Variants in ASPSCR1 observed in about 807,000 individuals in gnomAD.
ASPSCR1 encodes the protein tether containing UBX domain for GLUT4.
ASPSCR1 carries 55 observed loss-of-function variants against 68.9 expected under a neutral mutation model. That is an observed-to-expected ratio of 0.80 (90% CI 0.64 to 1.00). The LOEUF is 1.00. Ranked by LOEUF, ASPSCR1 falls within the 50% of genes least tolerant of loss-of-function variation. The pLI, the probability that ASPSCR1 is intolerant of heterozygous loss-of-function variation, is 0.00. For synonymous variants in ASPSCR1, 352 were observed against 332.6 expected (o/e 1.06, Z -0.63); for missense variants, 765 against 762.2 (o/e 1.00, Z -0.04).
At chr17:82,012,053 C>T in intron 11 of ASPSCR1, 178 bp from the exon 12 acceptor site, 3 of 797,288 alleles carry the variant, frequency 3.8e-6, no homozygotes, top group Non-Finnish European at 6.3e-6. Flanking sequence ...CCCCACCGGC[C>T]CTTCCGAGCC....
chr17:81,983,610 A>C lies in ASPSCR1; in HGVS notation c.215A>C (p.Asn72Thr). 2 of 1,613,716 alleles carry C rather than the reference A, an allele frequency of 1.2e-6. No individual in the cohort carries two copies. The highest frequency in any genetic ancestry group is 1.7e-6 in the Non-Finnish European group (2 of 1,179,978). Residue 72 changes from asparagine (N) to threonine (T), a missense_variant, in exon 3 of 16, where the codon AAC becomes ACC. Coordinates refer to ENST00000306739, the MANE Select transcript of ASPSCR1 (RefSeq NM_024083.4). This position sits in a 1 kb window ranked among gnomAD's most constrained non-coding sequence, Gnocchi z 4.4. ...CAGTGGAGATTTGCCAACCTGCCCAACAATGCCAAGCTGGAGATGGTGCCC... is the reference window on the plus strand; with the variant it reads ...CAGTGGAGATTTGCCAACCTGCCCACCAATGCCAAGCTGGAGATGGTGCCC... The part of the protein sequence containing the change: ...SLQWRFANLP[N>T]NAKLEMVPAS...
rs1246247020 is a variant in ASPSCR1, at chr17:82,011,980, T to TA, written c.1301-250dup. The TA allele has an allele frequency of 6.3e-6, 4 of 633,594 alleles. No homozygotes were observed. In the African/African-American group the frequency reaches 7.3e-5, roughly 11 times the overall value. The allele number at this position is 633,594 out of a possible 1,614,324, so 39.2% of individuals were successfully genotyped here. On this transcript the variant is annotated intron_variant, in intron 11 of 15. Transcript: ENST00000306739. ...GGAGGGTGTCTAGGTGGCAAAGGGT[T>TA]AGGCTGCCCACTGCAAGGGGAGCCG... is the stretch of plus-strand genomic sequence containing the variant.
At chr17:82,012,152 G>T (rs781083505) in intron 11 of ASPSCR1, 79 bp from the exon 12 acceptor site, 2 of 1,501,086 alleles carry the variant, frequency 1.3e-6, no homozygotes, top group Non-Finnish European at 1.9e-6. Context: ...ACCCCCATCT[G>T]CAGGCCTGTC....
At chr17:82,014,826 G>A (rs2043067583) in intron 12 of ASPSCR1, 2 of 567,930 alleles carry the variant, frequency 3.5e-6, no homozygotes, top group African/African-American at 1.9e-5. Context: ...CAGAGAGGCG[G>A]CTGGATTTGG....
chr17:81,985,670 C>A, intron 4 of ASPSCR1, 63 bp downstream of exon 4: 1 of 1,529,622 alleles, frequency 6.5e-7, no homozygotes, highest in Non-Finnish European at 9.0e-7. Context: ...GCTGTGGTTA[C>A]TGGGTCTGGT....
At position 81,986,161 on chromosome 17, in the gene ASPSCR1, G is replaced by A. The variant is rs2041986798; in HGVS notation, c.374+554G>A. On this transcript the variant is annotated intron_variant, in intron 4 of 15. Coordinates refer to ENST00000306739, the MANE Select transcript of ASPSCR1 (RefSeq NM_024083.4). The surrounding 1 kb of genome is among the most constrained non-coding windows in gnomAD (Gnocchi z 5.2). ...GGCACAGTGGCTGGGCACAGTGGCTGGGCAAAGTGGCTTGCACTTTGGAAG... is the reference window on the plus strand; with the variant it reads ...GGCACAGTGGCTGGGCACAGTGGCTAGGCAAAGTGGCTTGCACTTTGGAAG... Among the ~76,000 whole-genome samples, 1 of 151,976 alleles carries A rather than the reference G, an allele frequency of 6.6e-6. No homozygotes were observed. Among genetic ancestry groups the A allele is most frequent in the African/African-American group, 2.4e-5 (1 of 41,318 alleles).
At chr17:81,993,721 C>A (rs74402017) in intron 4 of ASPSCR1, among the ~76,000 whole-genome samples, 2 of 152,394 alleles carry the variant, frequency 1.3e-5, no homozygotes, top group South Asian at 2.1e-4. Flanking sequence ...CAGTACCCCC[C>A]ATCCCGGAGG....
At chr17:82,015,290 C>T (rs2043084696) in intron 12 of ASPSCR1, 3 of 1,598,202 alleles carry the variant, frequency 1.9e-6, no homozygotes, top group East Asian at 2.2e-5. Context: ...CTCCACCATC[C>T]CCTCGTCCGA....
At chr17:81,992,212 G>A (rs2042192787) in intron 4 of ASPSCR1, among the ~76,000 whole-genome samples, 1 of 152,224 alleles carries the variant, frequency 6.6e-6, no homozygotes, top group African/African-American at 2.4e-5. Context: ...TGCCCCTGCG[G>A]ACATTGGGAC....
intron 12 of ASPSCR1, chr17:82,015,154 G>C (rs200558937): frequency 5.0e-6 from 8 of 1,598,290 alleles, no homozygotes; most frequent in Non-Finnish European, 6.8e-6. Context: ...CAGAGAACAC[G>C]CTTGCCAGTG....
chr17:82,010,751 C>G (rs1768613590), intron 9 of ASPSCR1, 51 bp from the exon 10 acceptor site: 1 of 1,578,850 alleles, frequency 6.3e-7, no homozygotes, highest in Admixed American at 1.7e-5. Flanking sequence ...ACGCCCTGGT[C>G]CCTGGTGCAG....
At chr17:82,001,771 G>A (rs1246428181) in intron 7 of ASPSCR1, among the ~76,000 whole-genome samples, 1 of 152,140 alleles carries the variant, frequency 6.6e-6, no homozygotes, top group Non-Finnish European at 1.5e-5. Context: ...CAGGGGCCCC[G>A]TCAGCCCTTC....
intron 5 of ASPSCR1, chr17:81,995,527 C>T: frequency 3.6e-6 from 1 of 277,978 alleles, no homozygotes; most frequent in Non-Finnish European, 6.9e-6. Context: ...CTAGAGGCAG[C>T]TTCTCCACCC....
chr17:81,979,283 GC>G (rs1342305538), intron 2 of ASPSCR1, 44 bp downstream of exon 2: 1 of 1,592,362 alleles, frequency 6.3e-7, no homozygotes, highest in African/African-American at 1.3e-5. Context: ...GTATATCTGT[GC>G]CCCTGCCCCC....
Position 81,986,999 on chromosome 17 carries a change from C to T in ASPSCR1, c.374+1392C>T, listed in dbSNP as rs1257816041. Among the ~76,000 whole-genome samples, 1 of 152,122 alleles carries T rather than the reference C, an allele frequency of 6.6e-6. No individual in the cohort carries two copies. Among genetic ancestry groups the T allele is most frequent in the Non-Finnish European group, 1.5e-5 (1 of 68,030 alleles). The stretch of plus-strand genomic sequence containing the variant: ...GAATTCTCCCTCCCAAAACGGAACT[C>T]AGACAACAGTGACGGAGCCTAAGAG... On this transcript the variant is annotated intron_variant, in intron 4 of 15. Transcript: ENST00000306739. The surrounding 1 kb of genome is among the most constrained non-coding windows in gnomAD (Gnocchi z 5.2).
chr17:81,985,992 G>T (rs941758728), intron 4 of ASPSCR1, among the ~76,000 whole-genome samples: 1 of 152,114 alleles, frequency 6.6e-6, no homozygotes, highest in African/African-American at 2.4e-5. Flanking sequence ...AAGAGGCAGG[G>T]TCTCACTATG....
In ASPSCR1 at chr17:82,003,094, G is replaced by A. The variant is rs913690395; in HGVS notation, c.934-5943G>A. Among the ~76,000 whole-genome samples, 4 of 149,008 alleles carry A rather than the reference G, an allele frequency of 2.7e-5. No homozygotes were observed. The South Asian group carries it at 6.4e-4, about 24-fold the overall frequency. On this transcript the variant is annotated intron_variant, in intron 7 of 15. Transcript: ENST00000306739. ...AACTCCTGACCTTAGGTGGTCTGCCGGCCTTGGCCTCCGAAAGAGCTGGCA... is the reference window on the plus strand; with the variant it reads ...AACTCCTGACCTTAGGTGGTCTGCCAGCCTTGGCCTCCGAAAGAGCTGGCA...
At chr17:82,014,787 C>A (rs1009979038) in intron 12 of ASPSCR1, 6 of 504,372 alleles carry the variant, frequency 1.2e-5, no homozygotes, top group Non-Finnish European at 2.1e-5. Flanking sequence ...CTCTTCCTGG[C>A]AACACTGAGT....
intron 12 of ASPSCR1, chr17:82,015,251 T>A: frequency 6.3e-7 from 1 of 1,598,226 alleles, no homozygotes; most frequent in South Asian, 1.1e-5. Flanking sequence ...CTGGTCAGCC[T>A]CCATGCCACC....
Sources: gnomAD v4.1 joint callset for allele counts (sites outside exome capture counted in the v4.1 genomes callset) on GRCh38, gnomAD v4.1.1 for gene constraint, Gnocchi (gnomAD v3.1) non-coding constraint, MANE v1.5 for transcripts, NCBI Gene and HGNC (gene_info 2026-07-23, HGNC 2026-07-21) for gene names.